ZMAT1: variants seen among roughly 807,000 people sequenced by gnomAD.
The protein encoded by ZMAT1 is zinc finger matrin-type protein 1.
In ZMAT1, 11 loss-of-function variants were observed where a neutral mutation model predicts 18.5. The ratio of observed to expected loss-of-function variants is 0.59; its 90% CI spans 0.37 to 0.98. The LOEUF (loss-of-function observed/expected upper bound fraction) is 0.98, where lower values mean the gene tolerates loss of function less well. Ranked by LOEUF, ZMAT1 falls within the 50% of genes least tolerant of loss-of-function variation. The pLI, the probability that ZMAT1 is intolerant of heterozygous loss-of-function variation, is 0.01. For missense variants in ZMAT1, 525 were observed against 496.2 expected (o/e 1.06, Z -0.55); for synonymous variants, 211 against 176.4 (o/e 1.20, Z -1.55).
At chrX:101,892,674 C>G (rs1006361997) in intron 4 of ZMAT1, 34 of 711,079 alleles carry the variant, frequency 4.8e-5, no homozygotes, top group Admixed American at 1.8e-4. Flanking sequence ...ATAAACAAAA[C>G]AAATATAATA....
At chrX:101,927,277 ACT>A (rs1038131135) in intron 1 of ZMAT1, among the ~76,000 whole-genome samples, 1 of 111,730 alleles carries the variant, frequency 9.0e-6, no homozygotes, top group Non-Finnish European at 1.9e-5. Flanking sequence ...AAATGTTTTA[ACT>A]CTTTTTCCCC....
chrX:101,886,476 C>T (rs757514638), intron 5 of ZMAT1, among the ~76,000 whole-genome samples, 156 bp downstream of exon 5: 1 of 111,416 alleles, frequency 9.0e-6, no homozygotes, highest in African/African-American at 3.3e-5. Context: ...CCCTGAGGGA[C>T]ACTAGTATGC....
At chrX:101,907,715 G>T (rs1292236994) in intron 1 of ZMAT1, among the ~76,000 whole-genome samples, 1 of 111,786 alleles carries the variant, frequency 8.9e-6, no homozygotes, top group African/African-American at 3.3e-5. Flanking sequence ...TTAACAGAGG[G>T]ACTGAAATTA....
At chrX:101,892,676 A>G (rs1327003121) in intron 4 of ZMAT1, 4 of 712,451 alleles carry the variant, frequency 5.6e-6, no homozygotes, top group Non-Finnish European at 6.6e-6. Context: ...AAACAAAACA[A>G]ATATAATAAA....
chrX:101,899,081 G>A (rs1417847353), intron 2 of ZMAT1, among the ~76,000 whole-genome samples: 1 of 110,815 alleles, frequency 9.0e-6, no homozygotes, highest in East Asian at 2.9e-4. Context: ...ATGTTATAAA[G>A]CTGTCATATC....
At chrX:101,912,753 AC>A (rs1929050094) in intron 1 of ZMAT1, among the ~76,000 whole-genome samples, 1 of 112,107 alleles carries the variant, frequency 8.9e-6, no homozygotes, top group Non-Finnish European at 1.9e-5. Context: ...GTATCAGTGT[AC>A]TATAAACAGG....
chrX:101,927,549 T>A (rs1930128923), intron 1 of ZMAT1, among the ~76,000 whole-genome samples: 1 of 112,368 alleles, frequency 8.9e-6, no homozygotes, highest in Non-Finnish European at 1.9e-5. Context: ...AACAAAATAA[T>A]TGGGAGTACT....
At chrX:101,916,240 G>A (rs755336240) in intron 1 of ZMAT1, among the ~76,000 whole-genome samples, 30 of 109,822 alleles carry the variant, frequency 2.7e-4, no homozygotes, top group African/African-American at 9.6e-4. Flanking sequence ...GGGCCAGTTG[G>A]GGGGTGGGGG....
At chrX:101,907,638 C>T (rs926899080) in intron 1 of ZMAT1, among the ~76,000 whole-genome samples, 11 of 111,440 alleles carry the variant, frequency 9.9e-5, no homozygotes, top group Non-Finnish European at 1.5e-4. Context: ...TTAGAAATCT[C>T]AATGAACTTC....
intron 4 of ZMAT1, among the ~76,000 whole-genome samples, chrX:101,897,655 A>G (rs1307634955): frequency 9.0e-6 from 1 of 110,919 alleles, no homozygotes; most frequent in African/African-American, 3.3e-5. Flanking sequence ...ACTGAAAAGG[A>G]GAGGTCACAA....
chrX:101,931,589 G>A (rs989672694), intron 1 of ZMAT1, 128 bp downstream of exon 1: 91 of 659,574 alleles, frequency 1.4e-4, no homozygotes, highest in Non-Finnish European at 1.1e-4. Context: ...GGGCGAGCTT[G>A]GCCTTTACTG....
At chrX:101,929,631 G>A (rs1319649080) in intron 1 of ZMAT1, among the ~76,000 whole-genome samples, 1 of 109,734 alleles carries the variant, frequency 9.1e-6, no homozygotes, top group African/African-American at 3.3e-5. Flanking sequence ...AAATGAAATG[G>A]TAAGAGAGAA....
chrX:101,912,501 A>G (rs1292623497), intron 1 of ZMAT1, among the ~76,000 whole-genome samples: 1 of 112,405 alleles, frequency 8.9e-6, no homozygotes, highest in African/African-American at 3.2e-5. Context: ...ATGAAGTCAG[A>G]ATTAGCCATT....
At chrX:101,891,618 A>G (rs1334871364) in intron 4 of ZMAT1, among the ~76,000 whole-genome samples, 1 of 111,224 alleles carries the variant, frequency 9.0e-6, no homozygotes, top group Non-Finnish European at 1.9e-5. Context: ...AAAACCCTGG[A>G]GAATGCCATT....
At chrX:101,911,657 C>A (rs1231406394) in intron 1 of ZMAT1, 35 of 1,203,687 alleles carry the variant, frequency 2.9e-5, no homozygotes, top group Non-Finnish European at 3.8e-5. Flanking sequence ...GAGAAGCCAG[C>A]CCTACGAATG....
chrX:101,884,959 T>C (rs41298508), intron 5 of ZMAT1, 138 bp from the exon 6 acceptor site: 33,043 of 407,777 alleles, frequency 0.081, 1,053 homozygotes, highest in African/African-American at 0.12. Flanking sequence ...TACTTTATTA[T>C]AAAAGCTATA....
intron 4 of ZMAT1, chrX:101,887,979 A>G (rs1005963304): frequency 4.5e-5 from 5 of 111,566 alleles, no homozygotes; most frequent in Non-Finnish European, 7.5e-5. Context: ...ACAATACAAT[A>G]ACTTAAAGTA....
intron 1 of ZMAT1, among the ~76,000 whole-genome samples, chrX:101,920,069 C>T (rs1251305303): frequency 9.8e-6 from 1 of 101,719 alleles, no homozygotes; most frequent in Non-Finnish European, 2.0e-5. Context: ...GAAACAAGGT[C>T]CTACCCTTTA....
intron 1 of ZMAT1, among the ~76,000 whole-genome samples, chrX:101,919,704 A>T (rs1211277269): frequency 4.5e-5 from 5 of 111,940 alleles, no homozygotes; most frequent in Non-Finnish European, 9.4e-5. Context: ...TTTTGAACGA[A>T]ACTTTAAAAG....
Sources: allele counts gnomAD v4.1 joint callset (sites outside exome capture counted in the v4.1 genomes callset), GRCh38; gene constraint gnomAD v4.1.1; transcripts MANE v1.5; gene names NCBI Gene and HGNC (gene_info 2026-07-23, HGNC 2026-07-21).